The following SHISA6 variants were observed in gnomAD, a reference collection of about 807,000 sequenced individuals.
SHISA6 encodes the protein protein shisa-6.
SHISA6 carries 22 observed loss-of-function variants against 47.9 expected under a neutral mutation model. The ratio of observed to expected loss-of-function variants is 0.46; its 90% CI spans 0.33 to 0.66. The LOEUF is 0.66. Among genes scored for constraint, SHISA6 ranks in the 30% least tolerant of loss-of-function variants. The pLI is 0.02. For synonymous variants in SHISA6, 388 were observed against 337.8 expected (o/e 1.15, Z -1.63); for missense variants, 680 against 764.6 (o/e 0.89, Z 1.30).
chr17:11,275,243 A>G (rs543744992), intron 2 of SHISA6, among the ~76,000 whole-genome samples: 4 of 151,894 alleles, frequency 2.6e-5, no homozygotes, highest in African/African-American at 9.7e-5. Flanking sequence ...GGAGGTGGCA[A>G]ATGGCTCAGT....
At chr17:11,452,771 TCTC>T (rs1915436246) in intron 3 of SHISA6, among the ~76,000 whole-genome samples, 3 of 147,422 alleles carry the variant, frequency 2.0e-5, no homozygotes, top group South Asian at 2.2e-4. Context: ...TACTCTTCCT[TCTC>T]CTCCTCTTTC....
At chr17:11,541,480 T>C (rs1166774807) in intron 3 of SHISA6, among the ~76,000 whole-genome samples, 1 of 152,212 alleles carries the variant, frequency 6.6e-6, no homozygotes, top group Non-Finnish European at 1.5e-5. Flanking sequence ...TGTGGAATCT[T>C]TCTTTTTTCA....
intron 3 of SHISA6, among the ~76,000 whole-genome samples, chr17:11,454,939 G>A (rs1285276887): frequency 1.3e-5 from 2 of 152,132 alleles, no homozygotes; most frequent in Admixed American, 1.3e-4. Context: ...GGAGGCCAAG[G>A]TGGGTGGATC....
intron 2 of SHISA6, among the ~76,000 whole-genome samples, chr17:11,376,786 C>G (rs746491527): frequency 6.6e-6 from 1 of 152,140 alleles, no homozygotes; most frequent in Non-Finnish European, 1.5e-5. Context: ...GAAGAGTTGT[C>G]CTTGGACCTA....
At chr17:11,490,982 C>T (rs560120881) in intron 3 of SHISA6, among the ~76,000 whole-genome samples, 2 of 146,802 alleles carry the variant, frequency 1.4e-5, no homozygotes, top group East Asian at 4.0e-4. Flanking sequence ...ATTCAGGGCT[C>T]TTGCCCAATC....
intron 2 of SHISA6, among the ~76,000 whole-genome samples, chr17:11,326,052 C>T (rs563350051): frequency 9.2e-5 from 14 of 152,138 alleles, no homozygotes; most frequent in African/African-American, 2.4e-4. Context: ...CGGCGGATCA[C>T]GAGGTCAGGA....
intron 1 of SHISA6, 85 bp downstream of exon 1, chr17:11,242,145 A>G: frequency 1.3e-6 from 2 of 1,508,890 alleles, no homozygotes; most frequent in Non-Finnish European, 1.8e-6. Flanking sequence ...CACTCTCGGC[A>G]TCATCACACC....
At chr17:11,555,595 G>T in intron 4 of SHISA6, 145 bp from the exon 5 acceptor site, 1 of 944,866 alleles carries the variant, frequency 1.1e-6, no homozygotes, top group Non-Finnish European at 1.5e-6. Context: ...GAGCATGAGG[G>T]AAACTGAGTC....
At chr17:11,275,571 C>T (rs1908858417) in intron 2 of SHISA6, among the ~76,000 whole-genome samples, 1 of 152,088 alleles carries the variant, frequency 6.6e-6, no homozygotes, top group Non-Finnish European at 1.5e-5. Context: ...CGGACATATA[C>T]TTGAAATCAG....
intron 3 of SHISA6, among the ~76,000 whole-genome samples, chr17:11,524,211 C>A (rs1395189918): frequency 1.3e-5 from 2 of 152,088 alleles, no homozygotes; most frequent in Non-Finnish European, 1.5e-5. Context: ...GGACTGCACC[C>A]CACTTCTTCA....
At chr17:11,287,317 A>G (rs565353273) in intron 2 of SHISA6, among the ~76,000 whole-genome samples, 1 of 151,542 alleles carries the variant, frequency 6.6e-6, no homozygotes, top group Non-Finnish European at 1.5e-5. Flanking sequence ...AAGGGAAGCT[A>G]CTCATAATTT....
chr17:11,441,155 T>G (rs975043743), intron 3 of SHISA6, among the ~76,000 whole-genome samples: 3 of 152,198 alleles, frequency 2.0e-5, no homozygotes, highest in Non-Finnish European at 2.9e-5. Context: ...TCAGTTCTTC[T>G]GCTGTCAGGA....
At chr17:11,484,169 A>G (rs1916287453) in intron 3 of SHISA6, among the ~76,000 whole-genome samples, 1 of 152,238 alleles carries the variant, frequency 6.6e-6, no homozygotes, top group Admixed American at 6.5e-5. Flanking sequence ...AAAGGATACA[A>G]TTAAATAAAT....
At chr17:11,457,715 T>G in intron 3 of SHISA6, among the ~76,000 whole-genome samples, 1 of 139,414 alleles carries the variant, frequency 7.2e-6, no homozygotes, top group Non-Finnish European at 1.5e-5. Flanking sequence ...CACTCCAGTC[T>G]GGGTGACAGA....
chr17:11,468,383 G>A (rs1479804960), intron 3 of SHISA6, among the ~76,000 whole-genome samples: 2 of 151,920 alleles, frequency 1.3e-5, no homozygotes, highest in Non-Finnish European at 2.9e-5. Flanking sequence ...AAGCAGGGAC[G>A]GAATCAACCA....
chr17:11,323,382 C>G (rs916578026), intron 2 of SHISA6, among the ~76,000 whole-genome samples: 6 of 152,102 alleles, frequency 3.9e-5, no homozygotes, highest in Non-Finnish European at 8.8e-5. Flanking sequence ...GAGCCGGGCA[C>G]GGTGGCTCAC....
chr17:11,356,713 A>G (rs527517037), intron 2 of SHISA6, among the ~76,000 whole-genome samples: 2 of 152,076 alleles, frequency 1.3e-5, no homozygotes, highest in Admixed American at 6.5e-5. Flanking sequence ...CCTCCCCTCT[A>G]TAACCAGGGG....
intron 2 of SHISA6, among the ~76,000 whole-genome samples, chr17:11,350,157 AATTT>A (rs542515657): frequency 6.6e-4 from 85 of 128,362 alleles, no homozygotes; most frequent in Middle Eastern, 4.0e-3. Flanking sequence ...ATGCCCGGCT[AATTT>A]ATTTATTTAT....
At chr17:11,475,503 T>G (rs1350678679) in intron 3 of SHISA6, among the ~76,000 whole-genome samples, 1 of 152,180 alleles carries the variant, frequency 6.6e-6, no homozygotes, top group Non-Finnish European at 1.5e-5. Context: ...GTTTTTGATT[T>G]TGTCAAATGC....
Sources: allele counts gnomAD v4.1 joint callset (sites outside exome capture counted in the v4.1 genomes callset), GRCh38; gene constraint gnomAD v4.1.1; transcripts MANE v1.5; gene names NCBI Gene and HGNC (gene_info 2026-07-23, HGNC 2026-07-21).